The following MUSK variants were observed in gnomAD, a reference collection of about 807,000 sequenced individuals.
The protein encoded by MUSK is muscle, skeletal receptor tyrosine-protein kinase.
Under a neutral mutation model 88.7 loss-of-function variants are expected in MUSK, and 55 were observed. The ratio of observed to expected loss-of-function variants is 0.62; its 90% CI spans 0.50 to 0.78. MUSK has a LOEUF of 0.78. Ranked by LOEUF, MUSK falls within the 30% of genes least tolerant of loss-of-function variation. The probability of loss-of-function intolerance (pLI) is 0.00; values close to 1 mark genes in which losing one functional copy is unlikely to be tolerated. For synonymous variants in MUSK, 387 were observed against 391.9 expected, an observed-to-expected ratio of 0.99 and a Z score of 0.15; for missense variants, 1,015 against 1,074.3, an observed-to-expected ratio of 0.94 and a Z score of 0.77.
intron 1 of MUSK, among the ~76,000 whole-genome samples, chr9:110,677,618 T>C (rs1431924124): frequency 1.3e-5 from 2 of 152,220 alleles, no homozygotes; most frequent in African/African-American, 4.8e-5. Context: ...CTTCAGGCTT[T>C]CACGGGTACC....
chr9:110,726,810 G>A (rs1587960309), intron 5 of MUSK, among the ~76,000 whole-genome samples: 2 of 151,952 alleles, frequency 1.3e-5, no homozygotes, highest in East Asian at 3.9e-4. Flanking sequence ...ATTGTTCTGG[G>A]GCTCTAGAAA....
At position 110,727,160 on chromosome 9, in the gene MUSK, T is replaced by C. The variant is rs181082131; in HGVS notation, c.629-7091T>C. ...GATGCTTATAAACAAAAACCAAGAA[T>C]GTACCACTGAGTTGATGGAGGTAGG... On this transcript the variant is annotated intron_variant, in intron 5 of 14. Coordinates refer to ENST00000374448, the MANE Select transcript of MUSK (RefSeq NM_005592.4). 2.0e-5 allele frequency among the ~76,000 whole-genome samples: 3 copies of C among 152,180 alleles called. No individual in the cohort carries two copies. In the East Asian group the frequency reaches 5.8e-4, roughly 30 times the overall value.
intron 5 of MUSK, among the ~76,000 whole-genome samples, chr9:110,704,610 TAAGTA>T (rs2076572231): frequency 1.3e-5 from 2 of 152,166 alleles, no homozygotes; most frequent in Admixed American, 1.3e-4. Context: ...AGTGAAAAAG[TAAGTA>T]AAGAACAGTA....
Position 110,747,742 on chromosome 9 carries a change from C to G in MUSK, c.855C>G (p.Thr285=), listed in dbSNP as rs1564262796. The G allele has an allele frequency of 6.2e-7, 1 of 1,613,826 alleles. No homozygotes were observed. Among genetic ancestry groups the G allele is most frequent in the East Asian group, 2.2e-5 (1 of 44,880 alleles). Residue 285 remains threonine, a synonymous_variant, in exon 7 of 15, where the codon ACC becomes ACG. Coordinates refer to ENST00000374448, the MANE Select transcript of MUSK (RefSeq NM_005592.4). ...CAGGACTCTACACATGCATAGCTAC[C>G]AATAAGCATGGGGAGAAGTTCAGTA... ...TKPGLYTCIA[T]NKHGEKFSTA...
chr9:110,711,796 C>A (rs1047146017), intron 5 of MUSK, among the ~76,000 whole-genome samples: 6 of 152,138 alleles, frequency 3.9e-5, no homozygotes, highest in Non-Finnish European at 5.9e-5. Flanking sequence ...CTTTGAGATT[C>A]TTTTTAATCA....
At chr9:110,707,450 T>C (rs1055908730) in intron 5 of MUSK, among the ~76,000 whole-genome samples, 5 of 152,232 alleles carry the variant, frequency 3.3e-5, no homozygotes, top group Admixed American at 3.3e-4. Flanking sequence ...TCTGTGAATA[T>C]CACATTCAGA....
chr9:110,677,149 T>G (rs1030116387), intron 1 of MUSK, among the ~76,000 whole-genome samples: 2 of 152,200 alleles, frequency 1.3e-5, no homozygotes, highest in Non-Finnish European at 2.9e-5. Flanking sequence ...TTTTTGCTTC[T>G]ACTAGGTGCT....
chr9:110,714,825 T>C (rs1011469961), intron 5 of MUSK, among the ~76,000 whole-genome samples: 1 of 152,176 alleles, frequency 6.6e-6, no homozygotes, highest in Non-Finnish European at 1.5e-5. Context: ...GTCCTTGCCT[T>C]CTAACAGGCA....
intron 3 of MUSK, among the ~76,000 whole-genome samples, chr9:110,689,872 A>G (rs1236414668): frequency 2.3e-5 from 2 of 88,544 alleles, no homozygotes; most frequent in African/African-American, 9.6e-5. Context: ...ATTTAAATAT[A>G]AATATATATT....
At chr9:110,754,661 A>C (rs1292290395) in intron 7 of MUSK, among the ~76,000 whole-genome samples, 1 of 152,170 alleles carries the variant, frequency 6.6e-6, no homozygotes, top group Non-Finnish European at 1.5e-5. Flanking sequence ...TTTTCAATAG[A>C]TCTTCCTGCT....
At chr9:110,695,327 T>C in intron 3 of MUSK, 76 bp from the exon 4 acceptor site, 1 of 1,049,720 alleles carries the variant, frequency 9.5e-7, no homozygotes. Flanking sequence ...TGTTTAGAAT[T>C]AAATTGAAAG....
At position 110,803,629 on chromosome 9, in the gene MUSK, T is replaced by C. The variant is rs149995722; in HGVS notation, c.*2641T>C. Among the ~76,000 whole-genome samples the C allele has an allele frequency of 7.3e-3, 1,112 of 152,312 alleles. 15 individuals are homozygous for C. Among genetic ancestry groups the C allele is most frequent in the African/African-American group, 0.026 (1,062 of 41,572 alleles). On this transcript the variant is annotated 3_prime_UTR_variant, in exon 15 of 15. Coordinates refer to ENST00000374448, the MANE Select transcript of MUSK (RefSeq NM_005592.4). ...CTATTAACTTCCTAAGTCTTTTTAA[T>C]GAATAGCAAAAAAAGTATATTTCAG...
intron 5 of MUSK, among the ~76,000 whole-genome samples, chr9:110,718,334 A>C (rs1398925118): frequency 6.6e-6 from 1 of 152,042 alleles, no homozygotes; most frequent in Non-Finnish European, 1.5e-5. Context: ...AAGTGAGTCT[A>C]AGTCCAGCCT....
intron 14 of MUSK, among the ~76,000 whole-genome samples, chr9:110,791,344 G>GGT (rs1452853431): frequency 1.6e-5 from 2 of 125,516 alleles, no homozygotes; most frequent in Non-Finnish European, 1.7e-5. Flanking sequence ...CAAAGAAAGG[G>GGT]GTGACGGACG....
At chr9:110,759,542 C>T (rs189355222) in intron 7 of MUSK, among the ~76,000 whole-genome samples, 73 of 152,180 alleles carry the variant, frequency 4.8e-4, no homozygotes, top group African/African-American at 1.7e-3. Context: ...AGGCAACTTA[C>T]AGAGTGGAGA....
intron 5 of MUSK, among the ~76,000 whole-genome samples, chr9:110,722,391 G>A (rs1276229333): frequency 3.9e-5 from 6 of 151,986 alleles, no homozygotes; most frequent in Non-Finnish European, 8.8e-5. Context: ...TTAGCTGGGT[G>A]TGGTGGTACG....
At chr9:110,753,752 G>C (rs1284266949) in intron 7 of MUSK, among the ~76,000 whole-genome samples, 1 of 152,094 alleles carries the variant, frequency 6.6e-6, no homozygotes, top group African/African-American at 2.4e-5. Context: ...AACTGAGCAG[G>C]AGGGAAAAAT....
At chr9:110,691,204 T>C (rs2131699428) in intron 3 of MUSK, among the ~76,000 whole-genome samples, 1 of 152,200 alleles carries the variant, frequency 6.6e-6, no homozygotes, top group East Asian at 1.9e-4. Context: ...ACTCTTGGCC[T>C]TGTCACCCAC....
At chr9:110,698,160 T>C (rs1425306650) in intron 5 of MUSK, among the ~76,000 whole-genome samples, 2 of 152,188 alleles carry the variant, frequency 1.3e-5, no homozygotes, top group Admixed American at 1.3e-4. Flanking sequence ...AGCACACCTC[T>C]ATTAGGCGAA....
Sources: gnomAD v4.1 joint callset for allele counts (sites outside exome capture counted in the v4.1 genomes callset) on GRCh38, gnomAD v4.1.1 for gene constraint, MANE v1.5 for transcripts, NCBI Gene and HGNC (gene_info 2026-07-23, HGNC 2026-07-21) for gene names.